Variants in ESYT1 observed in about 807,000 individuals in gnomAD.
ESYT1 encodes the protein extended synaptotagmin 1.
Under a neutral mutation model 154.2 loss-of-function variants are expected in ESYT1, and 116 were observed. The observed-to-expected ratio is 0.75, with a 90% CI of 0.65 to 0.88. The LOEUF is 0.88. ESYT1 is among the 40% of genes least tolerant of loss of function. The pLI, the probability that ESYT1 is intolerant of heterozygous loss-of-function variation, is 0.00. For synonymous variants in ESYT1, 500 were observed against 539.9 expected, an observed-to-expected ratio of 0.93 and a Z score of 1.02; for missense variants, 1,264 against 1,379.3, an observed-to-expected ratio of 0.92 and a Z score of 1.32.
Position 56,128,463 on chromosome 12 carries a change from G to T in ESYT1, c.144G>T (p.Ala48=), listed in dbSNP as rs1162268311. The change falls in exon 1 of 31, where the codon GCG becomes GCT. Residue 48 remains alanine (A), a synonymous_variant. Coordinates refer to ENST00000394048, the MANE Select transcript of ESYT1 (RefSeq NM_015292.3). ...GCCAACCTGCTGGCCCTGGCGCGGCGGGTGAGGCCCTGGCGGTGCTGACTT... is the reference window on the plus strand; with the variant it reads ...GCCAACCTGCTGGCCCTGGCGCGGCTGGTGAGGCCCTGGCGGTGCTGACTT... ...SGGQPAGPGA[A]GEALAVLTSF... is the part of the protein sequence containing the mutation. 6.2e-7 allele frequency: 1 copy of T among 1,611,852 alleles called. No homozygotes were observed. The highest frequency in any genetic ancestry group is 8.5e-7 in the Non-Finnish European group (1 of 1,178,984).
At chr12:56,130,645 A>G (rs762662491) in intron 2 of ESYT1, 22 bp downstream of exon 2, 2 of 1,614,102 alleles carry the variant, frequency 1.2e-6, no homozygotes, top group South Asian at 2.2e-5. Flanking sequence ...TTTGATTTTT[A>G]GTCTTCATGA....
rs374922270 is a variant in ESYT1, at chr12:56,142,369, C to G, written c.2677C>G (p.Arg893Gly). Residue 893 changes from arginine (R) to glycine (G), a missense_variant, in exon 25 of 31, where the codon CGC becomes GGC. Arg to Gly is a moderately radical substitution (Grantham distance 125). Transcript: ENST00000394048. This position sits in a 1 kb window ranked among gnomAD's most constrained non-coding sequence, Gnocchi z 4.1. ...LLVADQLCLD[R>G]WFTLSSGQGQ... ...CGTGGCTGACCAGCTCTGCTTGGAC[C>G]GCTGGTTTACACTCAGCAGTGGTCA... 6 of 1,614,090 alleles carry G rather than the reference C, an allele frequency of 3.7e-6. No individual in the cohort carries two copies. In the African/African-American group the frequency reaches 6.7e-5, roughly 18 times the overall value.
intron 29 of ESYT1, 119 bp from the exon 30 acceptor site, chr12:56,143,461 G>A (rs1870798276): frequency 6.6e-7 from 1 of 1,506,554 alleles, no homozygotes; most frequent in African/African-American, 1.4e-5. Context: ...AATGGTTTGG[G>A]ACGAGTATGT....
At chr12:56,140,658 C>T (rs1164115910) in intron 24 of ESYT1, among the ~76,000 whole-genome samples, 2 of 152,188 alleles carry the variant, frequency 1.3e-5, no homozygotes, top group African/African-American at 4.8e-5. Flanking sequence ...CCACCACACC[C>T]AGTCAGGGAA....
Position 56,137,252 on chromosome 12 carries a change from C to T in ESYT1, c.1817C>T (p.Pro606Leu), listed in dbSNP as rs1402505520. The T allele has an allele frequency of 6.2e-7, 1 of 1,614,210 alleles. No homozygotes were observed. ...TTGGATTCATCAGAAATATGCTTCC[C>T]CACGGTGCCTGGTTGTCCTGGTGCT... ...LYLDSSEICFPTVPGCPGAWD... is the reference protein window; with the variant it reads ...LYLDSSEICFLTVPGCPGAWD... Residue 606 changes from proline (P) to leucine (L), a missense_variant, in exon 17 of 31, where the codon CCC becomes CTC. Transcript: ENST00000394048.
At position 56,137,874 on chromosome 12, in the gene ESYT1, G is replaced by A. The variant is rs1391239298; in HGVS notation, c.2158G>A (p.Val720Ile). Residue 720 changes from valine (V) to isoleucine (I), a missense_variant, in exon 19 of 31, where the codon GTC becomes ATC. Transcript: ENST00000394048. ...TCCAGGCCAAGAGCTAGAGGTTGAAGTCTTTGACAAGGACTTGGACAAGGA... is the reference window on the plus strand; with the variant it reads ...TCCAGGCCAAGAGCTAGAGGTTGAAATCTTTGACAAGGACTTGGACAAGGA... The part of the protein sequence containing the change: ...SVPGQELEVE[V>I]FDKDLDKDDF... 1.2e-6 allele frequency: 2 copies of A among 1,614,110 alleles called. No individual in the cohort carries two copies. Among genetic ancestry groups the A allele is most frequent in the African/African-American group, 1.3e-5 (1 of 74,934 alleles).
In ESYT1 at chr12:56,142,510, G is replaced by C; in HGVS notation, c.2734-68G>C. 1.9e-6 allele frequency: 3 copies of C among 1,610,566 alleles called. No homozygotes were observed. Among genetic ancestry groups the C allele is most frequent in the Non-Finnish European group, 2.5e-6 (3 of 1,177,504 alleles). On this transcript the variant is annotated intron_variant, in intron 25 of 30. Transcript: ENST00000394048. The surrounding 1 kb of genome is among the most constrained non-coding windows in gnomAD (Gnocchi z 4.1). The stretch of plus-strand genomic sequence containing the variant: ...AGGGACACCCAGGAGGGTGGGAACA[G>C]AGGGCCGTGTCCTTAGAGTGAGGGA...
intron 1 of ESYT1, chr12:56,130,362 A>G (rs1048125479): frequency 1.5e-5 from 9 of 617,208 alleles, no homozygotes; most frequent in Non-Finnish European, 2.6e-5. Flanking sequence ...CCACAGGGCA[A>G]CAGCGTGACC....
At chr12:56,141,969 G>A (rs896666782) in intron 24 of ESYT1, among the ~76,000 whole-genome samples, 1 of 151,504 alleles carries the variant, frequency 6.6e-6, no homozygotes, top group African/African-American at 2.4e-5. Flanking sequence ...GTGGTGGCAG[G>A]TGCCTGTAAT....
chr12:56,140,033 A>C (rs1870627483), intron 24 of ESYT1, among the ~76,000 whole-genome samples: 1 of 151,898 alleles, frequency 6.6e-6, no homozygotes, highest in Admixed American at 6.6e-5. Flanking sequence ...CACCTAGCTA[A>C]TTTTTGTATT....
At chr12:56,131,181 C>T in intron 4 of ESYT1, 63 bp from the exon 5 acceptor site, 1 of 1,612,788 alleles carries the variant, frequency 6.2e-7, no homozygotes. Flanking sequence ...CTACTTCACT[C>T]CCCCTCCCCG....
Position 56,142,847 on chromosome 12 carries a change from T to C in ESYT1, c.2901T>C (p.Ala967=), listed in dbSNP as rs766140845. 2 of 1,614,186 alleles carry C rather than the reference T, an allele frequency of 1.2e-6. No individual in the cohort carries two copies. Among genetic ancestry groups the C allele is most frequent in the Non-Finnish European group, 1.7e-6 (2 of 1,180,036 alleles). The change falls in exon 27 of 31, where the codon GCT becomes GCC. Residue 967 remains alanine, a synonymous_variant. Coordinates refer to ENST00000394048, the MANE Select transcript of ESYT1 (RefSeq NM_015292.3). This position sits in a 1 kb window ranked among gnomAD's most constrained non-coding sequence, Gnocchi z 4.1. ...TATTTCTCCACAGTCCCCTTGAGGC[T>C]CCAGCCGGGCCTCTGGGCCAGGTGA... ...RLTHVDSPLE[A]PAGPLGQVKL...
rs773732851 is a variant in ESYT1 at position 56,128,357 on chromosome 12, C to T, written c.38C>T (p.Pro13Leu). The T allele has an allele frequency of 1.6e-5, 25 of 1,612,420 alleles. No individual in the cohort carries two copies. In the Admixed American group the frequency reaches 2.8e-4, roughly 18 times the overall value. The change falls in exon 1 of 31, where the codon CCC becomes CTC. Residue 13 changes from proline to leucine, a missense_variant. Coordinates refer to ENST00000394048, the MANE Select transcript of ESYT1 (RefSeq NM_015292.3). ...RSPGEGPSPSPMDQPSAPSDP... is the reference protein window; with the variant it reads ...RSPGEGPSPSLMDQPSAPSDP... ...CCAGGAGAGGGCCCCAGCCCCAGCC[C>T]CATGGACCAGCCCTCTGCTCCCTCC...
Position 56,137,386 on chromosome 12 carries a change from C to T in ESYT1, c.1938+13C>T, listed in dbSNP as rs2271191. The T allele has an allele frequency of 3.0e-5, 48 of 1,614,156 alleles. No individual in the cohort carries two copies. In the East Asian group the frequency reaches 1.1e-3, roughly 36 times the overall value. On this transcript the variant is annotated intron_variant, in intron 17 of 30. Coordinates refer to ENST00000394048, the MANE Select transcript of ESYT1 (RefSeq NM_015292.3). ...GTTTGGGACTGAGGTGAGTCTATAT[C>T]TGGAAAGGACTAGGGTCTGTTTGCC...
At chr12:56,141,024 G>A (rs1228402720) in intron 24 of ESYT1, among the ~76,000 whole-genome samples, 1 of 152,142 alleles carries the variant, frequency 6.6e-6, no homozygotes, top group Non-Finnish European at 1.5e-5. Context: ...CAAATCTATT[G>A]TCCATGAGGT....
chr12:56,131,171 C>G (rs546696487), intron 4 of ESYT1, 58 bp downstream of exon 4: 1 of 1,612,594 alleles, frequency 6.2e-7, no homozygotes, highest in South Asian at 1.1e-5. Flanking sequence ...TCAGTCCAGG[C>G]TACTTCACTC....
intron 21 of ESYT1, 35 bp downstream of exon 21, chr12:56,138,307 A>T: frequency 6.2e-7 from 1 of 1,613,318 alleles, no homozygotes. Flanking sequence ...AAGGGACCCA[A>T]GGTGGGGCAG....
rs925097830 is a variant in ESYT1 at position 56,137,074 on chromosome 12, G to T, written c.1783-144G>T. 4.6e-6 allele frequency: 6 copies of T among 1,297,408 alleles called. No individual in the cohort carries two copies. The Admixed American group carries it at 1.3e-4, about 27-fold the overall frequency. The allele number at this position is 1,297,408 out of a possible 1,614,324, so 80.4% of individuals were successfully genotyped here. A position where few individuals can be genotyped will look rare whatever the true frequency, so the allele number is the denominator to read the frequency against. On this transcript the variant is annotated intron_variant, in intron 16 of 30. Transcript: ENST00000394048. ...GGAATGGCTTATGAGTTGAGGGGGT[G>T]TGGAGGGAACCCTGTAGAGATGAGC...
chr12:56,132,182 C>T (rs774509773), intron 7 of ESYT1, 27 bp from the exon 8 acceptor site: 2 of 1,614,082 alleles, frequency 1.2e-6, no homozygotes, highest in South Asian at 1.1e-5. Flanking sequence ...TGAGGCCATA[C>T]CCACTCCTTT....
Sources: gnomAD v4.1 joint callset for allele counts (sites outside exome capture counted in the v4.1 genomes callset) on GRCh38, gnomAD v4.1.1 for gene constraint, Gnocchi (gnomAD v3.1) non-coding constraint, MANE v1.5 for transcripts, NCBI Gene and HGNC (gene_info 2026-07-23, HGNC 2026-07-21) for gene names.